SLC35F2: variants seen among roughly 807,000 people sequenced by gnomAD.
SLC35F2 encodes queuine/queuosine transporter SLC35F2.
In SLC35F2, 25 loss-of-function variants were observed where a neutral mutation model predicts 38.1. The observed-to-expected ratio is 0.66, with a 90% CI of 0.48 to 0.92. The LOEUF is 0.92. Ranked by LOEUF, SLC35F2 falls within the 40% of genes least tolerant of loss-of-function variation. The pLI is 0.00. For synonymous variants in SLC35F2, 173 were observed against 181.7 expected, an observed-to-expected ratio of 0.95 and a Z score of 0.38; for missense variants, 409 against 452.9, an observed-to-expected ratio of 0.90 and a Z score of 0.88.
At chr11:107,809,053 G>C (rs58258018) in intron 3 of SLC35F2, among the ~76,000 whole-genome samples, 22,894 of 152,116 alleles carry the variant, frequency 0.15, 2,798 homozygotes, top group East Asian at 0.42. Context: ...TGTGGCCCCA[G>C]CCAGTCACTC....
intron 1 of SLC35F2, among the ~76,000 whole-genome samples, chr11:107,843,882 TA>T (rs1565440769): frequency 4.0e-4 from 19 of 47,936 alleles, no homozygotes; most frequent in Non-Finnish European, 7.0e-4. Flanking sequence ...TATATATATA[TA>T]TATATATATA....
intron 1 of SLC35F2, among the ~76,000 whole-genome samples, chr11:107,828,349 G>T (rs995270748): frequency 2.0e-5 from 3 of 150,340 alleles, no homozygotes; most frequent in Non-Finnish European, 2.9e-5. Flanking sequence ...CAGGAGAATC[G>T]CTTGAAACCG....
At chr11:107,824,910 C>A (rs1442583669) in intron 1 of SLC35F2, among the ~76,000 whole-genome samples, 2 of 152,166 alleles carry the variant, frequency 1.3e-5, no homozygotes, top group African/African-American at 2.4e-5. Flanking sequence ...TATGCACCAT[C>A]CAATAGAGTA....
At chr11:107,826,330 G>A (rs1012383663) in intron 1 of SLC35F2, among the ~76,000 whole-genome samples, 1 of 150,116 alleles carries the variant, frequency 6.7e-6, no homozygotes, top group African/African-American at 2.5e-5. Flanking sequence ...ATGCTGGAGT[G>A]CAATAGCTCG....
intron 1 of SLC35F2, among the ~76,000 whole-genome samples, chr11:107,836,520 T>C (rs531445417): frequency 3.0e-4 from 45 of 152,316 alleles, no homozygotes; most frequent in Non-Finnish European, 6.3e-4. Context: ...TCTAATCACA[T>C]GAGACTTTAA....
At chr11:107,819,978 C>T (rs186611896) in intron 1 of SLC35F2, among the ~76,000 whole-genome samples, 50 of 152,186 alleles carry the variant, frequency 3.3e-4, no homozygotes, top group Non-Finnish European at 4.7e-4. Context: ...TTCAAATTTG[C>T]TTAAAGGTGG....
At chr11:107,844,841 T>C (rs1369573115) in intron 1 of SLC35F2, among the ~76,000 whole-genome samples, 3 of 151,006 alleles carry the variant, frequency 2.0e-5, no homozygotes, top group Non-Finnish European at 4.4e-5. Context: ...CCAGGCGTGG[T>C]GGCGGGCACC....
At chr11:107,811,172 T>G (rs2134785214) in intron 3 of SLC35F2, 1 of 985,202 alleles carries the variant, frequency 1.0e-6, no homozygotes, top group East Asian at 1.1e-4. Flanking sequence ...AGGAATATTT[T>G]TCTTTCAATG....
chr11:107,855,764 A>G (rs1860267849), intron 1 of SLC35F2, among the ~76,000 whole-genome samples: 1 of 151,814 alleles, frequency 6.6e-6, no homozygotes. Context: ...GGAGGCTACT[A>G]GACTGATTAT....
At chr11:107,821,387 C>T in intron 1 of SLC35F2, 1 of 983,598 alleles carries the variant, frequency 1.0e-6, no homozygotes, top group Non-Finnish European at 1.2e-6. Flanking sequence ...CAGGAATGCA[C>T]TTCTCTTGGC....
At chr11:107,827,318 CT>C (rs1859767635) in intron 1 of SLC35F2, among the ~76,000 whole-genome samples, 1 of 152,078 alleles carries the variant, frequency 6.6e-6, no homozygotes, top group African/African-American at 2.4e-5. Flanking sequence ...CTACCTCCCA[CT>C]AAAAAGAACT....
intron 1 of SLC35F2, among the ~76,000 whole-genome samples, chr11:107,836,363 T>G (rs1167426640): frequency 6.6e-6 from 1 of 152,110 alleles, no homozygotes; most frequent in Non-Finnish European, 1.5e-5. Context: ...GGGGCATCAT[T>G]TCTGGGTTCT....
At chr11:107,852,550 CA>C (rs550992360) in intron 1 of SLC35F2, among the ~76,000 whole-genome samples, 7,867 of 58,284 alleles carry the variant, frequency 0.13, 503 homozygotes, top group African/African-American at 0.25. Flanking sequence ...GACTCCACCT[CA>C]AAAAAAAAAA....
intron 1 of SLC35F2, among the ~76,000 whole-genome samples, chr11:107,818,126 AAGAAAG>A (rs1416411229): frequency 6.7e-6 from 1 of 148,746 alleles, no homozygotes; most frequent in Non-Finnish European, 1.5e-5. Flanking sequence ...GAAAGAAAGA[AAGAAAG>A]AAAAAGAAAC....
At chr11:107,820,362 G>C (rs1397709861) in intron 1 of SLC35F2, among the ~76,000 whole-genome samples, 1 of 151,924 alleles carries the variant, frequency 6.6e-6, no homozygotes, top group Non-Finnish European at 1.5e-5. Context: ...CTCTTCCCTG[G>C]AAGTCTCAGA....
At chr11:107,829,774 A>AAT (rs1555085265) in intron 1 of SLC35F2, among the ~76,000 whole-genome samples, 15 of 151,708 alleles carry the variant, frequency 9.9e-5, no homozygotes, top group African/African-American at 3.4e-4. Flanking sequence ...AGTAGAAAAA[A>AAT]ATATATATAT....
intron 1 of SLC35F2, among the ~76,000 whole-genome samples, chr11:107,842,279 A>AAAAAAAAAC (rs1860024908): frequency 6.7e-6 from 1 of 148,762 alleles, no homozygotes; most frequent in Non-Finnish European, 1.5e-5. Flanking sequence ...AAAAAAAAAA[A>AAAAAAAAAC]AAAAAATTAA....
intron 1 of SLC35F2, among the ~76,000 whole-genome samples, chr11:107,829,652 A>G (rs886719946): frequency 1.3e-5 from 2 of 150,022 alleles, no homozygotes; most frequent in African/African-American, 4.9e-5. Context: ...TCTTGATGGT[A>G]GTACATAATA....
intron 7 of SLC35F2, among the ~76,000 whole-genome samples, chr11:107,795,012 A>G (rs551441852): frequency 1.3e-5 from 2 of 152,328 alleles, no homozygotes; most frequent in South Asian, 4.1e-4. Flanking sequence ...GACCTCTATA[A>G]GGAAAGCTAC....
Sources: gnomAD v4.1 joint callset for allele counts (sites outside exome capture counted in the v4.1 genomes callset) on GRCh38, gnomAD v4.1.1 for gene constraint, MANE v1.5 for transcripts, NCBI Gene and HGNC (gene_info 2026-07-23, HGNC 2026-07-21) for gene names.